The following NTRK1 variants were observed in gnomAD, a reference collection of about 807,000 sequenced individuals.
NTRK1 encodes high affinity nerve growth factor receptor.
In NTRK1, 62 loss-of-function variants were observed where a neutral mutation model predicts 86.8. That is an observed-to-expected ratio of 0.71 (90% CI 0.58 to 0.88). NTRK1 has a LOEUF of 0.88. Ranked by LOEUF, NTRK1 falls within the 40% of genes least tolerant of loss-of-function variation. NTRK1 has a pLI of 0.00. For synonymous variants in NTRK1, 469 were observed against 456.6 expected, an observed-to-expected ratio of 1.03 and a Z score of -0.35; for missense variants, 967 against 1,078.4, an observed-to-expected ratio of 0.90 and a Z score of 1.45.
At chr1:156,841,575 C>T in intron 1 of NTRK1, 4 of 1,612,322 alleles carry the variant, frequency 2.5e-6, no homozygotes, top group Non-Finnish European at 3.4e-6. Flanking sequence ...TCGTGCTACT[C>T]AGTGCATTCC....
At chr1:156,841,603 C>T in intron 1 of NTRK1, 1 of 1,609,780 alleles carries the variant, frequency 6.2e-7, no homozygotes, top group Non-Finnish European at 8.5e-7. Flanking sequence ...GGGGGTGTTC[C>T]AGGCCCCTCC....
At chr1:156,869,016 CT>C (rs1372319109) in intron 6 of NTRK1, among the ~76,000 whole-genome samples, 6 of 122,536 alleles carry the variant, frequency 4.9e-5, no homozygotes, top group Non-Finnish European at 8.7e-5. Context: ...ACTTTTCTCT[CT>C]CCCTTCCTTC....
At position 156,815,891 on chromosome 1, in the gene NTRK1, G is replaced by A. The variant is rs564227571; in HGVS notation, c.-64+53G>A. Reference sequence around the variant, plus strand: ...TGTGCCCCAGCCCGTTGGCAGACCCGGATCATTCCTGCCTTCTCTTGGAGT... The same window carrying A: ...TGTGCCCCAGCCCGTTGGCAGACCCAGATCATTCCTGCCTTCTCTTGGAGT... On this transcript the variant is annotated intron_variant, in intron 1 of 16. Coordinates refer to the NTRK1 transcript ENST00000392302. The A allele has an allele frequency of 2.8e-5, 45 of 1,613,476 alleles. No individual in the cohort carries two copies. In the African/African-American group the frequency reaches 4.8e-4, roughly 17 times the overall value.
At chr1:156,845,013 AC>A (rs1417450798) in intron 2 of NTRK1, 1 of 1,547,724 alleles carries the variant, frequency 6.5e-7, no homozygotes, top group Non-Finnish European at 8.8e-7. Flanking sequence ...CAAACCCCAA[AC>A]CTTTGCACAG....
chr1:156,847,381 C>A (rs1655049157), intron 2 of NTRK1, among the ~76,000 whole-genome samples: 1 of 152,206 alleles, frequency 6.6e-6, no homozygotes, highest in African/African-American at 2.4e-5. Flanking sequence ...CGGGGCAGGG[C>A]TTGGGGAAGC....
At chr1:156,851,562 GC>G (rs1655208944) in intron 2 of NTRK1, 1 of 1,608,532 alleles carries the variant, frequency 6.2e-7, no homozygotes, top group Non-Finnish European at 8.5e-7. Flanking sequence ...GGAAAATTGT[GC>G]TGAGTTGGGT....
chr1:156,825,446 A>G (rs756014613), intron 1 of NTRK1, among the ~76,000 whole-genome samples: 11 of 152,228 alleles, frequency 7.2e-5, no homozygotes, highest in Non-Finnish European at 1.5e-4. Flanking sequence ...TCTGTGTCCA[A>G]TATAGCAAGA....
upstream of NTRK1, among the ~76,000 whole-genome samples, chr1:156,860,494 C>T (rs1239925069): frequency 2.0e-5 from 3 of 152,266 alleles, no homozygotes; most frequent in Non-Finnish European, 1.5e-5. Context: ...GGATGGAGCG[C>T]TGAGCCTGGG....
rs750677529 is a variant in NTRK1 at position 156,876,196 on chromosome 1, C to A, written c.1618C>A (p.Leu540Met). 6 of 1,613,978 alleles carry A rather than the reference C, an allele frequency of 3.7e-6. No homozygotes were observed. In the East Asian group the frequency reaches 1.3e-4, roughly 36 times the overall value. The change falls in exon 13 of 17, where the codon CTG becomes ATG. Residue 540 changes from leucine (L) to methionine (M), a missense_variant. Physicochemically the swap from Leu to Met is conservative, Grantham distance 15. Around this residue, in one of 2 missense-constraint regions of NTRK1, gnomAD observed 637 missense variants for 776.5 expected, o/e 0.82. Transcript: ENST00000524377. Reference protein sequence around the residue: ...HNLLPEQDKMLVAVKALKEAS... With the variant: ...HNLLPEQDKMMVAVKALKEAS... ...CCTCCTGCCTGAGCAGGACAAGATGCTGGTGGCTGTCAAGGTGAGACCCTG... is the reference window on the plus strand; with the variant it reads ...CCTCCTGCCTGAGCAGGACAAGATGATGGTGGCTGTCAAGGTGAGACCCTG...
intron 1 of NTRK1, among the ~76,000 whole-genome samples, chr1:156,817,796 C>T (rs1571634965): frequency 6.6e-6 from 1 of 152,028 alleles, no homozygotes; most frequent in Non-Finnish European, 1.5e-5. Context: ...GCTTGTACCA[C>T]CATGCCTGGC....
At chr1:156,829,850 A>G (rs1445193872) in intron 1 of NTRK1, among the ~76,000 whole-genome samples, 2 of 152,084 alleles carry the variant, frequency 1.3e-5, no homozygotes, top group Non-Finnish European at 2.9e-5. Context: ...TGGGGGTTTC[A>G]CCACGTTGGC....
At chr1:156,841,949 CA>C in intron 1 of NTRK1, 1 of 1,549,650 alleles carries the variant, frequency 6.5e-7, no homozygotes, top group Non-Finnish European at 8.9e-7. Context: ...TCATCCCATC[CA>C]AACCCCTCTG....
intron 2 of NTRK1, among the ~76,000 whole-genome samples, chr1:156,848,436 A>G (rs1655085715): frequency 6.6e-6 from 1 of 152,050 alleles, no homozygotes; most frequent in Non-Finnish European, 1.5e-5. Flanking sequence ...TGGTCTAACC[A>G]CTATCCTCAT....
At chr1:156,827,005 G>A (rs1220646741) in intron 1 of NTRK1, among the ~76,000 whole-genome samples, 1 of 152,184 alleles carries the variant, frequency 6.6e-6, no homozygotes, top group East Asian at 1.9e-4. Context: ...ACATGCAAAA[G>A]TAAATAAAAA....
intron 1 of NTRK1, chr1:156,816,085 T>C: frequency 6.2e-7 from 1 of 1,613,542 alleles, no homozygotes; most frequent in Non-Finnish European, 8.5e-7. Flanking sequence ...GATGGGGGCT[T>C]CGTGACTCCC....
At chr1:156,841,362 A>G (rs752744225) in intron 1 of NTRK1, 7 of 1,607,386 alleles carry the variant, frequency 4.4e-6, no homozygotes, top group African/African-American at 1.3e-5. Flanking sequence ...AGGTAGATCA[A>G]CAATGAGGAA....
At chr1:156,821,646 A>C (rs1654195242) in intron 1 of NTRK1, among the ~76,000 whole-genome samples, 1 of 152,204 alleles carries the variant, frequency 6.6e-6, no homozygotes, top group South Asian at 2.1e-4. Context: ...AACAGACGCA[A>C]ACAATGTTAC....
At chr1:156,843,359 G>A (rs1654872614) in intron 2 of NTRK1, 1 of 1,583,384 alleles carries the variant, frequency 6.3e-7, no homozygotes, top group Non-Finnish European at 8.7e-7. Flanking sequence ...AGGTCTTCTG[G>A]AAGTCTGTCT....
At chr1:156,830,532 A>G (rs1309370232) in intron 1 of NTRK1, among the ~76,000 whole-genome samples, 2 of 148,704 alleles carry the variant, frequency 1.3e-5, no homozygotes, top group Non-Finnish European at 3.0e-5. Flanking sequence ...ACCTTTCTAG[A>G]AGAGAGGTTG....
Sources: allele counts gnomAD v4.1 joint callset (sites outside exome capture counted in the v4.1 genomes callset), GRCh38; gene constraint gnomAD v4.1.1; regional missense constraint gnomAD v4.1.1; transcripts MANE v1.5; gene names NCBI Gene and HGNC (gene_info 2026-07-23, HGNC 2026-07-21).